The following AACS variants were observed in gnomAD, a reference collection of about 807,000 sequenced individuals.
AACS encodes acetoacetyl-CoA synthetase, also known as acetoacetate-CoA ligase.
AACS carries 69 observed loss-of-function variants against 83.1 expected under a neutral mutation model. The observed-to-expected ratio is 0.83, with a 90% confidence interval of 0.68 to 1.01. The LOEUF is 1.01. Ranked by LOEUF, AACS falls within the 50% of genes least tolerant of loss-of-function variation. AACS has a pLI of 0.00. For synonymous variants in AACS, 333 were observed against 343.4 expected (o/e 0.97, Z 0.33); for missense variants, 866 against 882.2 (o/e 0.98, Z 0.23).
chr12:125,093,369 T>C (rs973603480), intron 5 of AACS, among the ~76,000 whole-genome samples: 1 of 152,196 alleles, frequency 6.6e-6, no homozygotes, highest in African/African-American at 2.4e-5. Flanking sequence ...ATGGCTGCAG[T>C]GGCAGGGCTG....
At chr12:125,124,853 C>T (rs1222077903) in intron 11 of AACS, 49 bp from the exon 12 acceptor site, 2 of 1,614,010 alleles carry the variant, frequency 1.2e-6, no homozygotes, top group South Asian at 2.2e-5. Context: ...GCGAGTGAGG[C>T]TTCAGGCACT....
chr12:125,084,762 T>C (rs547675553), intron 3 of AACS, among the ~76,000 whole-genome samples: 11 of 152,116 alleles, frequency 7.2e-5, no homozygotes, highest in Admixed American at 7.2e-4. Context: ...AAAATTTTTT[T>C]TGTAGAGACG....
At chr12:125,083,450 T>G (rs1335209285) in intron 3 of AACS, among the ~76,000 whole-genome samples, 1 of 152,208 alleles carries the variant, frequency 6.6e-6, no homozygotes, top group African/African-American at 2.4e-5. Context: ...GGAGGCCGGC[T>G]ACACACTGTC....
chr12:125,125,072 A>C, intron 12 of AACS, 48 bp downstream of exon 12: 1 of 1,612,250 alleles, frequency 6.2e-7, no homozygotes, highest in Non-Finnish European at 8.5e-7. Flanking sequence ...CGCCGGCCCC[A>C]TAAGTATGCA....
chr12:125,073,772 T>G, intron 1 of AACS, 104 bp from the exon 2 acceptor site: 2 of 861,300 alleles, frequency 2.3e-6, no homozygotes, highest in Non-Finnish European at 3.7e-6. Context: ...CTCAGATGAA[T>G]TTGGCTCGCT....
At chr12:125,070,533 A>G (rs1955832364) in intron 1 of AACS, among the ~76,000 whole-genome samples, 2 of 152,204 alleles carry the variant, frequency 1.3e-5, no homozygotes, top group Admixed American at 1.3e-4. Flanking sequence ...GGCAGATAAA[A>G]TCTTCAGCTA....
At chr12:125,086,941 G>A (rs923263392) in intron 4 of AACS, among the ~76,000 whole-genome samples, 3 of 152,016 alleles carry the variant, frequency 2.0e-5, no homozygotes, top group Admixed American at 6.6e-5. Context: ...CAGCAGAAAC[G>A]GCCTGTGAAA....
At chr12:125,100,591 A>G (rs924853996) in intron 5 of AACS, among the ~76,000 whole-genome samples, 2 of 152,238 alleles carry the variant, frequency 1.3e-5, no homozygotes, top group Non-Finnish European at 2.9e-5. Context: ...GGGAAATTGG[A>G]CAGTGTTGAG....
At position 125,129,517 on chromosome 12, in the gene AACS, G is replaced by A. The variant is rs1362984039; in HGVS notation, c.1549+57G>A. The stretch of plus-strand genomic sequence containing the variant: ...AGCCTCTGCCTTGGCTGGGCCTTCT[G>A]TGTCTAATTCTGTACCATCGTGCCC... On this transcript the variant is annotated intron_variant, in intron 14 of 17. Transcript: ENST00000316519. This position sits in a 1 kb window ranked among gnomAD's most constrained non-coding sequence, Gnocchi z 4.3. The A allele has an allele frequency of 3.8e-6, 6 of 1,591,462 alleles. No individual in the cohort carries two copies. The African/African-American group carries it at 6.7e-5, about 18-fold the overall frequency.
At chr12:125,085,444 G>A (rs113883913) in intron 3 of AACS, among the ~76,000 whole-genome samples, 10 of 151,116 alleles carry the variant, frequency 6.6e-5, no homozygotes, top group African/African-American at 1.2e-4. Flanking sequence ...ATGGAACCAC[G>A]CACGTGCACG....
At position 125,129,693 on chromosome 12, in the gene AACS, C is replaced by T. The variant is rs371346939; in HGVS notation, c.1549+233C>T. On this transcript the variant is annotated intron_variant, in intron 14 of 17. Coordinates refer to ENST00000316519, the MANE Select transcript of AACS (RefSeq NM_023928.5). The surrounding 1 kb of genome is among the most constrained non-coding windows in gnomAD (Gnocchi z 4.3). The stretch of plus-strand genomic sequence containing the variant: ...CAATCTGGTTTAGTTGAATCTCAGC[C>T]ACCTCTGCCCAGAGCCTCTTGGCCC... Among the ~76,000 whole-genome samples, 5 of 152,170 alleles carry T rather than the reference C, an allele frequency of 3.3e-5. No homozygotes were observed. Among genetic ancestry groups the T allele is most frequent in the East Asian group, 1.9e-4 (1 of 5,192 alleles).
chr12:125,096,734 C>T (rs74678355), intron 5 of AACS, among the ~76,000 whole-genome samples: 2 of 151,852 alleles, frequency 1.3e-5, no homozygotes, highest in Non-Finnish European at 2.9e-5. Context: ...TCTGAGAAAT[C>T]GCTGTGCATG....
chr12:125,070,225 C>T (rs982698610), intron 1 of AACS, among the ~76,000 whole-genome samples: 1 of 152,186 alleles, frequency 6.6e-6, no homozygotes, highest in Non-Finnish European at 1.5e-5. Context: ...CCAGACCATC[C>T]CTGTAGGTAA....
intron 9 of AACS, among the ~76,000 whole-genome samples, chr12:125,116,618 C>A (rs886614267): frequency 2.6e-5 from 4 of 152,134 alleles, no homozygotes; most frequent in African/African-American, 9.7e-5. Flanking sequence ...CGCCCGCCCC[C>A]ACGCCTGGCT....
rs376702569 is a variant in AACS, at chr12:125,079,548, A to AT, written c.358+2948dup. Among the ~76,000 whole-genome samples the AT allele has an allele frequency of 6.7e-5, 10 of 148,500 alleles. No homozygotes were observed. The South Asian group carries it at 8.5e-4, about 13-fold the overall frequency. On this transcript the variant is annotated intron_variant, in intron 3 of 17. Transcript: ENST00000316519. ...AGGCATGCACCACTGTGTCCGGCTA[A>AT]TTTTTTTTTTTAAGTTTTTTTGTAG...
chr12:125,074,631 G>A (rs959490427), intron 2 of AACS, among the ~76,000 whole-genome samples: 2 of 149,172 alleles, frequency 1.3e-5, no homozygotes, highest in African/African-American at 2.5e-5. Context: ...GTACACTTCA[G>A]TGATGTTAAG....
At chr12:125,103,222 TAGATA>T (rs1365969011) in intron 7 of AACS, 141 bp downstream of exon 7, 1 of 677,676 alleles carries the variant, frequency 1.5e-6, no homozygotes, top group East Asian at 2.7e-5. Context: ...CATCATTTTG[TAGATA>T]AGACACCTGA....
intron 9 of AACS, among the ~76,000 whole-genome samples, chr12:125,115,039 C>A (rs545225985): frequency 1.3e-5 from 2 of 152,162 alleles, no homozygotes; most frequent in Non-Finnish European, 2.9e-5. Context: ...GAGTTGGGCC[C>A]GCTCCTCCGC....
chr12:125,113,158 G>A lies in AACS; in HGVS notation c.916-1319G>A, dbSNP rs1367119112. Among the ~76,000 whole-genome samples, 1 of 152,242 alleles carries A rather than the reference G, an allele frequency of 6.6e-6. No individual in the cohort carries two copies. Among genetic ancestry groups the A allele is most frequent in the Middle Eastern group, 3.2e-3 (1 of 316 alleles). The stretch of plus-strand genomic sequence containing the variant: ...TAGGAGTTTTGGCTCCTGAATGGGA[G>A]CCTGTGTTGGATAGGATTGTTCCTG... On this transcript the variant is annotated intron_variant, in intron 8 of 17. Transcript: ENST00000316519. This position sits in a 1 kb window ranked among gnomAD's most constrained non-coding sequence, Gnocchi z 4.8.
Sources: allele counts gnomAD v4.1 joint callset (sites outside exome capture counted in the v4.1 genomes callset), GRCh38; gene constraint gnomAD v4.1.1; non-coding constraint Gnocchi (gnomAD v3.1); transcripts MANE v1.5; gene names NCBI Gene and HGNC (gene_info 2026-07-23, HGNC 2026-07-21).